Variants in DAW1 observed in about 807,000 individuals in gnomAD.
DAW1 encodes the protein dynein assembly factor with WD repeat domains 1.
DAW1 carries 47 observed loss-of-function variants against 56.5 expected under a neutral mutation model. That is an observed-to-expected ratio of 0.83 (90% CI 0.66 to 1.06). The LOEUF (loss-of-function observed/expected upper bound fraction) is 1.06, where lower values mean the gene tolerates loss of function less well. Among genes scored for constraint, DAW1 ranks in the 50% least tolerant of loss-of-function variants. DAW1 has a pLI of 0.00. For missense variants in DAW1, 505 were observed against 499.3 expected, an observed-to-expected ratio of 1.01 and a Z score of -0.11; for synonymous variants, 190 against 179.0, an observed-to-expected ratio of 1.06 and a Z score of -0.49.
chr2:227,910,562 T>C (rs1691791718), intron 10 of DAW1, among the ~76,000 whole-genome samples: 1 of 151,492 alleles, frequency 6.6e-6, no homozygotes, highest in Non-Finnish European at 1.5e-5. Flanking sequence ...GGTGTTACAT[T>C]ATTTGAAATG....
At chr2:227,911,260 G>GTGTA (rs1691811506) in intron 10 of DAW1, among the ~76,000 whole-genome samples, 2 of 128,044 alleles carry the variant, frequency 1.6e-5, no homozygotes, top group Admixed American at 7.7e-5. Flanking sequence ...ATATACACGT[G>GTGTA]TATATACACA....
At chr2:227,918,924 G>C in intron 11 of DAW1, 68 bp downstream of exon 11, 1 of 1,460,934 alleles carries the variant, frequency 6.8e-7, no homozygotes, top group Non-Finnish European at 9.6e-7. Context: ...CCCAGGTGCA[G>C]TGCCTCACAC....
chr2:227,892,130 C>A (rs181507753), intron 4 of DAW1, among the ~76,000 whole-genome samples: 7 of 148,360 alleles, frequency 4.7e-5, no homozygotes, highest in African/African-American at 1.8e-4. Context: ...CTCATCCTAA[C>A]TTAATAATTT....
intron 1 of DAW1, among the ~76,000 whole-genome samples, chr2:227,878,617 GA>G (rs1690941072): frequency 6.6e-6 from 1 of 152,122 alleles, no homozygotes; most frequent in South Asian, 2.1e-4. Flanking sequence ...AGCTACTCAA[GA>G]AAATGAGGCA....
intron 4 of DAW1, among the ~76,000 whole-genome samples, chr2:227,891,727 A>G (rs1369083031): frequency 6.6e-6 from 1 of 152,210 alleles, no homozygotes; most frequent in Admixed American, 6.5e-5. Context: ...CTGACGTGCT[A>G]GGTAGGAGAG....
At chr2:227,879,715 C>T (rs920830126) in intron 1 of DAW1, among the ~76,000 whole-genome samples, 27 of 151,934 alleles carry the variant, frequency 1.8e-4, no homozygotes, top group African/African-American at 6.3e-4. Context: ...TTGTATGTGG[C>T]AGAAATCTAT....
intron 2 of DAW1, among the ~76,000 whole-genome samples, chr2:227,886,516 C>T (rs758965213): frequency 2.6e-5 from 4 of 152,084 alleles, no homozygotes; most frequent in Non-Finnish European, 5.9e-5. Context: ...ATTCAGGAGG[C>T]TAAGGGAGGA....
intron 1 of DAW1, among the ~76,000 whole-genome samples, chr2:227,882,249 A>T (rs888778482): frequency 6.6e-6 from 1 of 152,228 alleles, no homozygotes; most frequent in Admixed American, 6.5e-5. Flanking sequence ...TCTCAAGGTC[A>T]AACTTATTTT....
intron 4 of DAW1, among the ~76,000 whole-genome samples, chr2:227,891,933 C>T (rs1691275307): frequency 6.6e-6 from 1 of 152,042 alleles, no homozygotes; most frequent in Non-Finnish European, 1.5e-5. Flanking sequence ...CTTCTGAGGC[C>T]TTGGGAAAGA....
chr2:227,904,867 T>A, intron 7 of DAW1, 62 bp from the exon 8 acceptor site: 2 of 1,459,318 alleles, frequency 1.4e-6, no homozygotes, highest in Non-Finnish European at 1.9e-6. Flanking sequence ...ACTATGATAT[T>A]GTACGCTTGC....
In DAW1 at chr2:227,897,612, C is replaced by G. The variant is rs1456984648; in HGVS notation, c.441-570C>G. On this transcript the variant is annotated intron_variant, in intron 5 of 12. Coordinates refer to ENST00000309931, the MANE Select transcript of DAW1 (RefSeq NM_178821.3). ...TGTTGGTTGTTGATGTTAGCTCTGC[C>G]CCGCAGTCAATATGAGAAGCCTCTT... 3.9e-5 allele frequency among the ~76,000 whole-genome samples: 6 copies of G among 152,186 alleles called. No homozygotes were observed. The East Asian group carries it at 1.2e-3, about 29-fold the overall frequency.
At position 227,874,706 on chromosome 2, in the gene DAW1, A is replaced by G. The variant is rs556802645; in HGVS notation, c.40+2977A>G. Among the ~76,000 whole-genome samples the G allele has an allele frequency of 2.6e-5, 4 of 152,198 alleles. No individual in the cohort carries two copies. In the East Asian group the frequency reaches 7.7e-4, roughly 29 times the overall value. On this transcript the variant is annotated intron_variant, in intron 1 of 12. Transcript: ENST00000309931. The stretch of plus-strand genomic sequence containing the variant: ...TCTATCTACACTCATACACTATGCA[A>G]TCTCATCCATTCTCAAGGCTTAAAA...
Position 227,900,535 on chromosome 2 carries a change from G to A in DAW1, c.540+2254G>A, listed in dbSNP as rs368526360. Among the ~76,000 whole-genome samples, 33 of 152,266 alleles carry A rather than the reference G, an allele frequency of 2.2e-4. No individual in the cohort carries two copies. The South Asian group carries it at 6.8e-3, about 32-fold the overall frequency. On this transcript the variant is annotated intron_variant, in intron 6 of 12. Coordinates refer to ENST00000309931, the MANE Select transcript of DAW1 (RefSeq NM_178821.3). ...CAGAAGTGGATGGGGATTTCAGTGT[G>A]GACACAGAGGGAGCAGTGTGGCCTC...
At chr2:227,901,287 C>T (rs1242989007) in intron 6 of DAW1, among the ~76,000 whole-genome samples, 4 of 152,174 alleles carry the variant, frequency 2.6e-5, no homozygotes, top group Non-Finnish European at 5.9e-5. Context: ...TGCCATTCAC[C>T]AATTCTGTGC....
chr2:227,887,070 G>A (rs141833446), intron 2 of DAW1, among the ~76,000 whole-genome samples: 1 of 152,304 alleles, frequency 6.6e-6, no homozygotes, highest in Middle Eastern at 3.4e-3. Flanking sequence ...CACTTGAGAG[G>A]TTTGATGTTT....
intron 1 of DAW1, among the ~76,000 whole-genome samples, chr2:227,881,905 G>C (rs1334728769): frequency 1.3e-5 from 2 of 151,800 alleles, no homozygotes; most frequent in Non-Finnish European, 2.9e-5. Flanking sequence ...GGTGCCTGCC[G>C]TCATGCCAGC....
intron 1 of DAW1, among the ~76,000 whole-genome samples, chr2:227,884,436 C>T (rs1691075774): frequency 6.6e-6 from 1 of 152,066 alleles, no homozygotes; most frequent in Non-Finnish European, 1.5e-5. Context: ...CTATCTAAAC[C>T]TTCTAATTTG....
In DAW1 at chr2:227,882,455, A is replaced by G. The variant is rs546857786; in HGVS notation, c.41-2896A>G. The stretch of plus-strand genomic sequence containing the variant: ...ATAGGAAAACATCAAAAAAATCCCA[A>G]CAGAACAACCTAGTTTTGCTTGAGG... On this transcript the variant is annotated intron_variant, in intron 1 of 12. Coordinates refer to ENST00000309931, the MANE Select transcript of DAW1 (RefSeq NM_178821.3). 1.5e-3 allele frequency among the ~76,000 whole-genome samples: 230 copies of G among 152,336 alleles called. 1 individual carries two copies. The highest frequency in any genetic ancestry group is 2.6e-3 in the Non-Finnish European group (178 of 68,040).
At chr2:227,888,603 T>C (rs967116759) in intron 2 of DAW1, among the ~76,000 whole-genome samples, 11 of 152,176 alleles carry the variant, frequency 7.2e-5, no homozygotes, top group African/African-American at 2.7e-4. Context: ...AATGCCAAGG[T>C]ACAGCCTGAA....
Sources: allele counts gnomAD v4.1 joint callset (sites outside exome capture counted in the v4.1 genomes callset), GRCh38; gene constraint gnomAD v4.1.1; transcripts MANE v1.5; gene names NCBI Gene and HGNC (gene_info 2026-07-23, HGNC 2026-07-21).